KCNIP4: variants seen among roughly 807,000 people sequenced by gnomAD.
The protein encoded by KCNIP4 is potassium voltage-gated channel interacting protein 4.
A neutral mutation model predicts 34.0 loss-of-function variants in KCNIP4; 12 were observed. The ratio of observed to expected loss-of-function variants is 0.35; its 90% CI spans 0.23 to 0.57. The LOEUF is 0.57. Among genes scored for constraint, KCNIP4 ranks in the 20% least tolerant of loss-of-function variants. KCNIP4 has a pLI of 0.83. For missense variants in KCNIP4, 238 were observed against 311.7 expected, an observed-to-expected ratio of 0.76 and a Z score of 1.78; for synonymous variants, 124 against 102.2, an observed-to-expected ratio of 1.21 and a Z score of -1.29.
intron 1 of KCNIP4, among the ~76,000 whole-genome samples, chr4:21,534,033 C>T (rs1287879699): frequency 1.3e-5 from 2 of 152,146 alleles, no homozygotes; most frequent in Non-Finnish European, 2.9e-5. Flanking sequence ...ATTTGAATTA[C>T]GGCTCTGTCA....
At chr4:21,871,169 T>C (rs1725774979) in intron 1 of KCNIP4, among the ~76,000 whole-genome samples, 1 of 151,298 alleles carries the variant, frequency 6.6e-6, no homozygotes, top group South Asian at 2.1e-4. Context: ...TTGCTACATA[T>C]ATGCCATGTT....
chr4:21,664,921 T>A (rs1748724920), intron 1 of KCNIP4, among the ~76,000 whole-genome samples: 1 of 152,188 alleles, frequency 6.6e-6, no homozygotes, highest in Admixed American at 6.5e-5. Context: ...TGGTACTTCT[T>A]TAATTTTTAA....
rs193186078 is a variant in KCNIP4 at position 21,295,211 on chromosome 4, T to C, written c.62-412502A>G. Among the ~76,000 whole-genome samples, 32 of 152,244 alleles carry C rather than the reference T, an allele frequency of 2.1e-4. No individual in the cohort carries two copies. In the East Asian group the frequency reaches 5.6e-3, roughly 27 times the overall value. ...AATGAAGAGCAGTGAAGTTTTGGCT[T>C]GCGCTCACACGAAAGATTGGGCCAC... is the stretch of plus-strand genomic sequence containing the variant. On this transcript the variant is annotated intron_variant, in intron 1 of 8. Transcript: ENST00000382152.
intron 1 of KCNIP4, among the ~76,000 whole-genome samples, chr4:21,106,058 T>C (rs1748495575): frequency 1.3e-5 from 2 of 151,598 alleles, no homozygotes; most frequent in Admixed American, 1.3e-4. Context: ...TAAAATTCTC[T>C]TTTTTGGTTG....
intron 1 of KCNIP4, among the ~76,000 whole-genome samples, chr4:21,711,017 G>A (rs946144270): frequency 5.9e-5 from 9 of 152,058 alleles, no homozygotes; most frequent in East Asian, 1.9e-4. Flanking sequence ...GTAGAGGCAC[G>A]CCTACTACCT....
intron 4 of KCNIP4, among the ~76,000 whole-genome samples, chr4:20,756,098 CAG>C (rs748025523): frequency 6.6e-5 from 10 of 151,676 alleles, no homozygotes; most frequent in African/African-American, 9.7e-5. Context: ...TCATCAGAAT[CAG>C]AGAAGTCAGT....
chr4:20,898,150 T>C (rs1405722457), intron 1 of KCNIP4, among the ~76,000 whole-genome samples: 1 of 152,116 alleles, frequency 6.6e-6, no homozygotes, highest in African/African-American at 2.4e-5. Flanking sequence ...TCTCAGGCCT[T>C]TGGACTCCAG....
chr4:21,569,327 A>C (rs556284080), intron 1 of KCNIP4, among the ~76,000 whole-genome samples: 8 of 151,464 alleles, frequency 5.3e-5, no homozygotes, highest in African/African-American at 1.9e-4. Flanking sequence ...ACTTGAAAGA[A>C]AATAATAGAA....
At chr4:21,919,724 G>C (rs760610966) in intron 1 of KCNIP4, among the ~76,000 whole-genome samples, 43 of 152,182 alleles carry the variant, frequency 2.8e-4, no homozygotes, top group Non-Finnish European at 2.8e-4. Flanking sequence ...GAGAATATCA[G>C]GGGTGGAAAA....
intron 1 of KCNIP4, among the ~76,000 whole-genome samples, chr4:21,147,956 A>AAAAAAAAAAAAAAAAAAAAAAGAAAAG (rs1553945843): frequency 7.8e-6 from 1 of 128,418 alleles, no homozygotes; most frequent in African/African-American, 3.1e-5. Context: ...AAAAAAAAAA[A>AAAAAAAAAAAAAAAAAAAAAAGAAAAG]AAAAGAAAAA....
chr4:20,742,883 T>C (rs1004303755), intron 5 of KCNIP4, among the ~76,000 whole-genome samples: 2 of 152,046 alleles, frequency 1.3e-5, no homozygotes, highest in African/African-American at 4.8e-5. Context: ...GGTACAAAAA[T>C]CAATGTGCAA....
At chr4:21,110,136 A>T (rs1749026413) in intron 1 of KCNIP4, among the ~76,000 whole-genome samples, 1 of 152,204 alleles carries the variant, frequency 6.6e-6, no homozygotes, top group African/African-American at 2.4e-5. Flanking sequence ...GATCTCCAGC[A>T]GTTTATAAGT....
chr4:21,342,262 A>C (rs1716830365), intron 1 of KCNIP4, among the ~76,000 whole-genome samples: 1 of 152,128 alleles, frequency 6.6e-6, no homozygotes, highest in South Asian at 2.1e-4. Context: ...CATCCATCTC[A>C]AGGGTAAGGA....
chr4:21,539,109 G>C (rs1014474087), intron 1 of KCNIP4, among the ~76,000 whole-genome samples: 1 of 152,134 alleles, frequency 6.6e-6, no homozygotes, highest in African/African-American at 2.4e-5. Flanking sequence ...ATGATTGTAA[G>C]TTTCCTGAGG....
At chr4:21,747,187 C>T (rs1164788693) in intron 1 of KCNIP4, among the ~76,000 whole-genome samples, 2 of 152,114 alleles carry the variant, frequency 1.3e-5, no homozygotes, top group Non-Finnish European at 2.9e-5. Flanking sequence ...TCAAACCCAA[C>T]CCATTTATGC....
chr4:21,193,837 C>T (rs953156319), intron 1 of KCNIP4, among the ~76,000 whole-genome samples: 1 of 152,154 alleles, frequency 6.6e-6, no homozygotes, highest in African/African-American at 2.4e-5. Context: ...TCCCAAAGTG[C>T]TGGGATTACA....
At chr4:21,418,802 T>G (rs999251719) in intron 1 of KCNIP4, among the ~76,000 whole-genome samples, 3 of 152,172 alleles carry the variant, frequency 2.0e-5, no homozygotes, top group African/African-American at 7.2e-5. Flanking sequence ...ACCTGGGTGC[T>G]GATGTTCTTT....
intron 1 of KCNIP4, among the ~76,000 whole-genome samples, chr4:20,973,057 C>G (rs1268026686): frequency 6.6e-6 from 1 of 152,162 alleles, no homozygotes; most frequent in East Asian, 1.9e-4. Context: ...AACTTAAAAT[C>G]ATCAGCTGCA....
chr4:21,354,095 T>G (rs755527480), intron 1 of KCNIP4, among the ~76,000 whole-genome samples: 1 of 152,208 alleles, frequency 6.6e-6, no homozygotes, highest in African/African-American at 2.4e-5. Context: ...GACAAGCAAA[T>G]GCTGAGAGAT....
Sources: gnomAD v4.1 joint callset for allele counts (sites outside exome capture counted in the v4.1 genomes callset) on GRCh38, gnomAD v4.1.1 for gene constraint, MANE v1.5 for transcripts, NCBI Gene and HGNC (gene_info 2026-07-23, HGNC 2026-07-21) for gene names.